The following CEP164 variants were observed in gnomAD, a reference collection of about 807,000 sequenced individuals.
CEP164 encodes the protein centrosomal protein 164.
In CEP164, 162 loss-of-function variants were observed where a neutral mutation model predicts 182.7. The ratio of observed to expected loss-of-function variants is 0.89; its 90% CI spans 0.78 to 1.01. The LOEUF is 1.01. Ranked by LOEUF, CEP164 falls within the 50% of genes least tolerant of loss-of-function variation. The probability of loss-of-function intolerance (pLI) is 0.00; values close to 1 mark genes in which losing one functional copy is unlikely to be tolerated. For missense variants in CEP164, 1,735 were observed against 1,790.4 expected (o/e 0.97, Z 0.56); for synonymous variants, 661 against 690.0 (o/e 0.96, Z 0.66).
chr11:117,408,807 C>T, intron 28 of CEP164, 83 bp from the exon 29 acceptor site: 1 of 1,571,254 alleles, frequency 6.4e-7, no homozygotes. Flanking sequence ...AGCTCAGTGT[C>T]CCAGCCACTT....
chr11:117,411,834 C>T lies in CEP164; in HGVS notation c.4203C>T (p.Val1401=), dbSNP rs544976647. 16 of 1,614,150 alleles carry T rather than the reference C, an allele frequency of 9.9e-6. No individual in the cohort carries two copies. The South Asian group carries it at 1.4e-4, about 14-fold the overall frequency. The change falls in exon 32 of 33, where the codon GTC becomes GTT. Residue 1401 remains valine (V), a synonymous_variant. Transcript: ENST00000278935. This position sits in a 1 kb window ranked among gnomAD's most constrained non-coding sequence, Gnocchi z 4.4. The part of the protein sequence containing the change: ...LRLLQHSHSQ[V]PEAGSTTFQG... The stretch of plus-strand genomic sequence containing the variant: ...TCCTACAGCACTCCCATTCGCAAGT[C>T]CCTGAGGCGGGCAGCACCACCTTTC...
chr11:117,412,012 T>G, intron 32 of CEP164, 60 bp from the exon 33 acceptor site: 2 of 1,611,538 alleles, frequency 1.2e-6, no homozygotes, highest in Non-Finnish European at 1.7e-6. Context: ...CCTTTGACCC[T>G]TTCATGGCCC....
intron 17 of CEP164, 32 bp from the exon 18 acceptor site, chr11:117,392,194 G>T: frequency 6.5e-7 from 1 of 1,539,940 alleles, no homozygotes; most frequent in Non-Finnish European, 8.8e-7. Context: ...TACCTGGCCA[G>T]CTTCACTCAC....
chr11:117,335,023 C>T (rs2036847968), intron 1 of CEP164, among the ~76,000 whole-genome samples: 1 of 152,168 alleles, frequency 6.6e-6, no homozygotes, highest in Admixed American at 6.6e-5. Flanking sequence ...CCATTGGGCC[C>T]TCCCTGCCCG....
rs372749388 is a variant in CEP164 at position 117,373,736 on chromosome 11, G to A, written c.1153-15G>A. ...CTCTGCTCTGAGGGATTTCTCTGTG[G>A]GTCTGTCTCTCCAGGAACTGGAAAT... On this transcript the variant is annotated splice_polypyrimidine_tract_variant and intron_variant, in intron 9 of 32. Transcript: ENST00000278935. 1.1e-5 allele frequency: 18 copies of A among 1,611,826 alleles called. No homozygotes were observed. The highest frequency in any genetic ancestry group is 1.3e-5 in the African/African-American group (1 of 74,858).
chr11:117,372,862 T>C (rs1183891429), intron 9 of CEP164, among the ~76,000 whole-genome samples: 2 of 152,114 alleles, frequency 1.3e-5, no homozygotes, highest in Non-Finnish European at 2.9e-5. Flanking sequence ...TGCCCCAGCG[T>C]AGGTAGATTA....
intron 11 of CEP164, among the ~76,000 whole-genome samples, chr11:117,380,034 G>A (rs1221367533): frequency 3.3e-5 from 5 of 151,940 alleles, no homozygotes; most frequent in Admixed American, 6.6e-5. Flanking sequence ...TGAATGTAGC[G>A]AAGGAGCACT....
intron 14 of CEP164, among the ~76,000 whole-genome samples, chr11:117,383,409 C>T (rs2043567884): frequency 1.3e-5 from 2 of 152,212 alleles, no homozygotes; most frequent in African/African-American, 4.8e-5. Flanking sequence ...TTTCCTCGTG[C>T]CCCTCTCAAA....
chr11:117,373,876 A>T (rs1245579591), intron 10 of CEP164, 45 bp downstream of exon 10: 1 of 1,540,160 alleles, frequency 6.5e-7, no homozygotes, highest in South Asian at 1.1e-5. Context: ...AAGAGCATAG[A>T]TTTGTGAGCC....
rs145763287 is a variant in CEP164 at position 117,403,117 on chromosome 11, T to C, written c.3502-4808T>C. Among the ~76,000 whole-genome samples the C allele has an allele frequency of 2.7e-4, 41 of 152,368 alleles. No homozygotes were observed. In the East Asian group the frequency reaches 7.7e-3, roughly 29 times the overall value. On this transcript the variant is annotated intron_variant, in intron 27 of 32. Transcript: ENST00000278935. ...AGCACACTGGTGGGTCTTGACTGTT[T>C]ATGCAGTTTGCCAGTCTGTGTCTTT...
intron 24 of CEP164, 112 bp from the exon 25 acceptor site, chr11:117,395,942 T>A: frequency 6.8e-7 from 1 of 1,478,760 alleles, no homozygotes; most frequent in Non-Finnish European, 9.3e-7. Flanking sequence ...GAGCCCTTCC[T>A]CAGGGACTTT....
rs1198730712 is a variant in CEP164 at position 117,350,022 on chromosome 11, C to T, written c.195-1768C>T. Reference sequence around the variant, plus strand: ...ACTCCTGACCTCGTGATCTGCCTGCCTTGGCCTCGCAAAGTGCTGGGATTA... The same window carrying T: ...ACTCCTGACCTCGTGATCTGCCTGCTTTGGCCTCGCAAAGTGCTGGGATTA... On this transcript the variant is annotated intron_variant, in intron 4 of 32. Transcript: ENST00000278935. Among the ~76,000 whole-genome samples the T allele has an allele frequency of 2.0e-5, 3 of 152,220 alleles. No homozygotes were observed. The East Asian group carries it at 5.8e-4, about 29-fold the overall frequency.
At chr11:117,356,730 G>A (rs777372633) in intron 5 of CEP164, 53 of 1,079,126 alleles carry the variant, frequency 4.9e-5, no homozygotes, top group South Asian at 5.3e-5. Flanking sequence ...CCACCCTACC[G>A]TGGTAACTAT....
intron 8 of CEP164, 101 bp from the exon 9 acceptor site, chr11:117,370,979 C>T: frequency 7.9e-7 from 1 of 1,262,832 alleles, no homozygotes; most frequent in Non-Finnish European, 1.1e-6. Context: ...AGGCACTGGC[C>T]TGTGGGAGTC....
At chr11:117,332,484 G>A (rs1277466858) in intron 1 of CEP164, among the ~76,000 whole-genome samples, 3 of 152,150 alleles carry the variant, frequency 2.0e-5, no homozygotes, top group Admixed American at 2.0e-4. Context: ...GCTGAGGCAG[G>A]AGAATCGCTT....
intron 27 of CEP164, among the ~76,000 whole-genome samples, chr11:117,403,862 C>A (rs779999276): frequency 7.7e-4 from 117 of 152,054 alleles, no homozygotes; most frequent in Non-Finnish European, 1.1e-3. Context: ...CCTTTTCATT[C>A]TTTTTTCTCT....
In CEP164 at chr11:117,348,672, T is replaced by C. The variant is rs113238734; in HGVS notation, c.195-3118T>C. ...TGAAATTTACCATTTTAAGCATTTT[T>C]GAGTGGACATTTCAGCAGCATTAAG... On this transcript the variant is annotated intron_variant, in intron 4 of 32. Transcript: ENST00000278935. 7.9e-3 allele frequency among the ~76,000 whole-genome samples: 1,207 copies of C among 152,318 alleles called. 17 individuals carry two copies. The highest frequency in any genetic ancestry group is 0.028 in the African/African-American group (1,161 of 41,572).
intron 5 of CEP164, among the ~76,000 whole-genome samples, chr11:117,358,456 T>G (rs1416091210): frequency 6.6e-6 from 1 of 152,052 alleles, no homozygotes; most frequent in African/African-American, 2.4e-5. Flanking sequence ...TAGGCTGGTT[T>G]GAAGGGCTGA....
At position 117,412,906 on chromosome 11, in the gene CEP164, A is replaced by G. The variant is rs1176120757; in HGVS notation, c.*738A>G. 1.3e-5 allele frequency: 2 copies of G among 152,194 alleles called. No homozygotes were observed. The highest frequency in any genetic ancestry group is 2.9e-5 in the Non-Finnish European group (2 of 68,002). 9.4% of individuals were successfully genotyped at this position (152,194 alleles called of 1,614,324 possible). A position where few individuals can be genotyped will look rare whatever the true frequency, so the allele number is the denominator to read the frequency against. On this transcript the variant is annotated 3_prime_UTR_variant, in exon 33 of 33. Transcript: ENST00000278935. The stretch of plus-strand genomic sequence containing the variant: ...TTCAGCTGGAGTCTCAGGTCTCAAA[A>G]ACAACTTCTCCAGGAGGCCAAAAAA...
Sources: allele counts gnomAD v4.1 joint callset (sites outside exome capture counted in the v4.1 genomes callset), GRCh38; gene constraint gnomAD v4.1.1; non-coding constraint Gnocchi (gnomAD v3.1); transcripts MANE v1.5; gene names NCBI Gene and HGNC (gene_info 2026-07-23, HGNC 2026-07-21).